FGD4: variants seen among roughly 807,000 people sequenced by gnomAD.
FGD4 encodes the protein FYVE, RhoGEF and PH domain containing 4, also known as FYVE, RhoGEF and PH domain-containing protein 4.
Under a neutral mutation model 102.0 loss-of-function variants are expected in FGD4, and 42 were observed. The ratio of observed to expected loss-of-function variants is 0.41; its 90% CI spans 0.32 to 0.53. FGD4 has a LOEUF of 0.53. Ranked by LOEUF, FGD4 falls within the 20% of genes least tolerant of loss-of-function variation. The pLI is 0.21. For synonymous variants in FGD4, 380 were observed against 375.7 expected (o/e 1.01, Z -0.13); for missense variants, 902 against 1,078.2 (o/e 0.84, Z 2.29).
intron 7 of FGD4, 103 bp downstream of exon 7, chr12:32,602,420 T>G: frequency 7.4e-7 from 1 of 1,355,140 alleles, no homozygotes; most frequent in Non-Finnish European, 1.0e-6. Context: ...CTGAGATACC[T>G]AGCCAAAATT....
At chr12:32,559,217 AC>A (rs965814885) in intron 1 of FGD4, among the ~76,000 whole-genome samples, 12 of 152,324 alleles carry the variant, frequency 7.9e-5, no homozygotes, top group African/African-American at 2.9e-4. Context: ...TCATAAACAA[AC>A]AAAAAGTTTC....
intron 1 of FGD4, among the ~76,000 whole-genome samples, chr12:32,480,789 ACG>A (rs1565767029): frequency 5.8e-5 from 8 of 138,890 alleles, no homozygotes; most frequent in African/African-American, 8.0e-5. Context: ...GTGAGCCACC[ACG>A]CCCGGCCTTT....
chr12:32,557,533 A>G (rs548965521), intron 1 of FGD4, among the ~76,000 whole-genome samples: 4 of 152,314 alleles, frequency 2.6e-5, no homozygotes, highest in African/African-American at 7.2e-5. Flanking sequence ...TTACCTTTAC[A>G]TGTACAGGGC....
At chr12:32,579,039 G>GTTTTTTTTTT (rs35186090) in intron 3 of FGD4, among the ~76,000 whole-genome samples, 15 of 66,146 alleles carry the variant, frequency 2.3e-4, no homozygotes, top group African/African-American at 6.5e-4. Context: ...AACATTAGTG[G>GTTTTTTTTTT]TTTTTTTTTT....
chr12:32,536,196 T>C (rs1942244607), intron 1 of FGD4, among the ~76,000 whole-genome samples: 2 of 152,096 alleles, frequency 1.3e-5, no homozygotes, highest in Non-Finnish European at 2.9e-5. Flanking sequence ...AATGACTCAA[T>C]AGGAAATATT....
intron 10 of FGD4, among the ~76,000 whole-genome samples, chr12:32,612,776 A>G (rs2136788898): frequency 6.6e-6 from 1 of 152,238 alleles, no homozygotes; most frequent in South Asian, 2.1e-4. Context: ...TGTCTAAAAT[A>G]TCTATGGGAA....
intron 10 of FGD4, among the ~76,000 whole-genome samples, chr12:32,617,716 A>G (rs1949531645): frequency 6.6e-6 from 1 of 152,220 alleles, no homozygotes; most frequent in African/African-American, 2.4e-5. Flanking sequence ...TTCTTTTTTC[A>G]GTATCTGGGG....
chr12:32,425,005 C>T (rs1345634247), intron 1 of FGD4, among the ~76,000 whole-genome samples: 1 of 151,988 alleles, frequency 6.6e-6, no homozygotes, highest in Non-Finnish European at 1.5e-5. Flanking sequence ...CAGAAATTTT[C>T]TCCCATTCTG....
chr12:32,575,780 T>G (rs1173678137), intron 2 of FGD4, among the ~76,000 whole-genome samples: 1 of 152,238 alleles, frequency 6.6e-6, no homozygotes, highest in Admixed American at 6.5e-5. Flanking sequence ...AATGCAACAT[T>G]GTATTACTGT....
intron 15 of FGD4, among the ~76,000 whole-genome samples, chr12:32,634,227 A>G (rs1266835136): frequency 6.6e-6 from 1 of 151,612 alleles, no homozygotes; most frequent in Non-Finnish European, 1.5e-5. Flanking sequence ...ATATTTCAGT[A>G]TTAATTGGCA....
chr12:32,532,003 A>G (rs1463216652), intron 1 of FGD4, among the ~76,000 whole-genome samples: 1 of 152,196 alleles, frequency 6.6e-6, no homozygotes, highest in African/African-American at 2.4e-5. Context: ...GCTTTCATCT[A>G]TAAAGATTAA....
In FGD4 at chr12:32,499,006, G is replaced by C. The variant is rs544285316; in HGVS notation, c.167-65131G>C. The stretch of plus-strand genomic sequence containing the variant: ...TTACAGAGATGCTCAGATTTGAAAA[G>C]TTTGGGAACCTCTGACTGCCTGGGT... On this transcript the variant is annotated intron_variant, in intron 1 of 16. Coordinates refer to ENST00000534526, the MANE Select transcript of FGD4 (RefSeq NM_001370298.3). 2.8e-3 allele frequency among the ~76,000 whole-genome samples: 433 copies of C among 152,350 alleles called. 4 individuals carry two copies. The highest frequency in any genetic ancestry group is 5.4e-3 in the Admixed American group (83 of 15,306).
At chr12:32,528,799 T>G (rs1941514338) in intron 1 of FGD4, among the ~76,000 whole-genome samples, 1 of 152,210 alleles carries the variant, frequency 6.6e-6, no homozygotes, top group East Asian at 1.9e-4. Flanking sequence ...TTGTCTTGTT[T>G]TTATTTGAAA....
intron 2 of FGD4, among the ~76,000 whole-genome samples, chr12:32,567,658 G>A (rs1005360863): frequency 1.3e-5 from 2 of 148,878 alleles, no homozygotes; most frequent in African/African-American, 4.9e-5. Context: ...AGATTGCTAA[G>A]AAGATTATAG....
chr12:32,452,698 G>C (rs1159246078), intron 1 of FGD4, among the ~76,000 whole-genome samples: 1 of 152,160 alleles, frequency 6.6e-6, no homozygotes, highest in Non-Finnish European at 1.5e-5. Flanking sequence ...TTATGGTAAA[G>C]AATAAGTGGG....
chr12:32,576,513 TAGTC>T, intron 3 of FGD4, 64 bp downstream of exon 3: 1 of 1,520,422 alleles, frequency 6.6e-7, no homozygotes, highest in South Asian at 1.1e-5. Context: ...GAAAAAATGA[TAGTC>T]ATAGATACAT....
At chr12:32,501,535 T>C (rs1938216635) in intron 1 of FGD4, among the ~76,000 whole-genome samples, 1 of 152,268 alleles carries the variant, frequency 6.6e-6, no homozygotes, top group Admixed American at 6.5e-5. Flanking sequence ...GGTAAGACTC[T>C]AGATGAAAAT....
At chr12:32,570,746 A>C (rs907138847) in intron 2 of FGD4, among the ~76,000 whole-genome samples, 1 of 152,056 alleles carries the variant, frequency 6.6e-6, no homozygotes. Flanking sequence ...TCAGTTTTTT[A>C]TTCTGATTGT....
chr12:32,432,078 T>TA (rs1392287272), intron 1 of FGD4, among the ~76,000 whole-genome samples: 12 of 135,944 alleles, frequency 8.8e-5, no homozygotes, highest in Non-Finnish European at 1.3e-4. Context: ...TTTTTTTTTT[T>TA]AGACAGAGTC....
Sources: allele counts gnomAD v4.1 joint callset (sites outside exome capture counted in the v4.1 genomes callset), GRCh38; gene constraint gnomAD v4.1.1; transcripts MANE v1.5; gene names NCBI Gene and HGNC (gene_info 2026-07-23, HGNC 2026-07-21).